MPPED2: variants seen among roughly 807,000 people sequenced by gnomAD.
MPPED2 encodes metallophosphoesterase MPPED2.
In MPPED2, 5 loss-of-function variants were observed where a neutral mutation model predicts 33.0. The observed-to-expected ratio is 0.15, with a 90% CI of 0.08 to 0.32. The LOEUF (loss-of-function observed/expected upper bound fraction) is 0.32, where lower values mean the gene tolerates loss of function less well. MPPED2 is among the 10% of genes least tolerant of loss of function. The probability of loss-of-function intolerance (pLI) is 1.00; values close to 1 mark genes in which losing one functional copy is unlikely to be tolerated. For synonymous variants in MPPED2, 136 were observed against 141.9 expected, an observed-to-expected ratio of 0.96 and a Z score of 0.29; for missense variants, 275 against 372.1, an observed-to-expected ratio of 0.74 and a Z score of 2.15.
downstream of MPPED2, among the ~76,000 whole-genome samples, chr11:30,384,108 A>G (rs908230118): frequency 6.6e-6 from 1 of 152,178 alleles, no homozygotes; most frequent in Non-Finnish European, 1.5e-5. Context: ...TTCAGCAAAC[A>G]TCTACATTGA....
At chr11:30,414,032 ACT>A (rs957058597) in intron 6 of MPPED2, among the ~76,000 whole-genome samples, 194 bp downstream of exon 6, 43 of 151,992 alleles carry the variant, frequency 2.8e-4, no homozygotes, top group Middle Eastern at 3.4e-3. Context: ...CCTACTTTCC[ACT>A]CTGTTTACAA....
chr11:30,430,182 TA>T (rs1391840180), intron 4 of MPPED2, among the ~76,000 whole-genome samples: 2 of 152,204 alleles, frequency 1.3e-5, no homozygotes, highest in Admixed American at 6.5e-5. Context: ...ATTGGGCTTT[TA>T]AAAAGCAAAG....
chr11:30,523,674 C>G (rs1294556508), intron 3 of MPPED2, among the ~76,000 whole-genome samples: 2 of 136,198 alleles, frequency 1.5e-5, no homozygotes, highest in Non-Finnish European at 3.0e-5. Context: ...GTTGCCCAGA[C>G]TGGAGTGCAG....
At chr11:30,414,053 G>A (rs1948232113) in intron 6 of MPPED2, among the ~76,000 whole-genome samples, 175 bp downstream of exon 6, 1 of 152,124 alleles carries the variant, frequency 6.6e-6, no homozygotes, top group Non-Finnish European at 1.5e-5. Context: ...AAGAGAGAAG[G>A]TCCATATAAA....
intron 2 of MPPED2, among the ~76,000 whole-genome samples, chr11:30,555,115 G>T (rs1036869857): frequency 1.6e-4 from 24 of 152,042 alleles, no homozygotes; most frequent in Non-Finnish European, 2.8e-4. Flanking sequence ...CCTAATGTTG[G>T]ACTTTTTTTC....
chr11:30,515,691 A>T (rs956507420), intron 3 of MPPED2, among the ~76,000 whole-genome samples: 1 of 152,174 alleles, frequency 6.6e-6, no homozygotes, highest in African/African-American at 2.4e-5. Flanking sequence ...TTTGCTTCCT[A>T]AATCCTACAG....
At chr11:30,585,764 T>G (rs1052678379) in intron 1 of MPPED2, among the ~76,000 whole-genome samples, 2 of 151,846 alleles carry the variant, frequency 1.3e-5, no homozygotes, top group Non-Finnish European at 2.9e-5. Context: ...GGAAGACACC[T>G]CCTAAAAAAG....
At chr11:30,403,379 G>A (rs1947940906) in intron 6 of MPPED2, among the ~76,000 whole-genome samples, 1 of 152,254 alleles carries the variant, frequency 6.6e-6, no homozygotes, top group Middle Eastern at 3.4e-3. Flanking sequence ...GCATCATTGA[G>A]GTAGATACAC....
intron 2 of MPPED2, among the ~76,000 whole-genome samples, chr11:30,548,540 A>G (rs1272071077): frequency 6.6e-6 from 1 of 152,158 alleles, no homozygotes; most frequent in African/African-American, 2.4e-5. Context: ...TTGCTTGTAA[A>G]GGGCCCAGTG....
intron 4 of MPPED2, among the ~76,000 whole-genome samples, chr11:30,487,837 T>TATTTTCCC (rs113496370): frequency 0.022 from 3,314 of 152,140 alleles, 117 homozygotes; most frequent in African/African-American, 0.076. Context: ...TCAATGATCC[T>TATTTTCCC]ATTTTCCCCT....
rs150233463 is a variant in MPPED2, at chr11:30,566,350, A to C, written c.128+13896T>G. ...CCCAAATCTCTAGGGTCACATTGAA[A>C]GTGGAAGCTTTGATATTTTTTCCTA... On this transcript the variant is annotated intron_variant, in intron 2 of 6. Coordinates refer to ENST00000358117, the MANE Select transcript of MPPED2 (RefSeq NM_001584.3). Among the ~76,000 whole-genome samples the C allele has an allele frequency of 1.7e-4, 26 of 152,326 alleles. 1 individual carries two copies. Among genetic ancestry groups the C allele is most frequent in the African/African-American group, 6.0e-4 (25 of 41,584 alleles).
intron 4 of MPPED2, among the ~76,000 whole-genome samples, chr11:30,441,751 A>G (rs531888589): frequency 6.6e-6 from 1 of 151,194 alleles, no homozygotes; most frequent in East Asian, 1.9e-4. Context: ...TTTTTTTTGC[A>G]TAGGTTTCCC....
chr11:30,451,775 G>A (rs565068367), intron 4 of MPPED2: 318 of 985,084 alleles, frequency 3.2e-4, no homozygotes, highest in Non-Finnish European at 3.7e-4. Flanking sequence ...GGGGTGGGAG[G>A]GGACATTTTC....
intron 4 of MPPED2, among the ~76,000 whole-genome samples, chr11:30,447,648 C>T (rs1475206676): frequency 1.3e-5 from 2 of 152,110 alleles, no homozygotes; most frequent in Non-Finnish European, 2.9e-5. Context: ...AAGCCAGGTG[C>T]AAACGGGCAT....
intron 1 of MPPED2, among the ~76,000 whole-genome samples, chr11:30,583,233 G>A (rs1301847635): frequency 1.4e-5 from 2 of 145,270 alleles, no homozygotes; most frequent in Non-Finnish European, 3.0e-5. Flanking sequence ...TTTGGAGAGA[G>A]CTTGAAACAA....
chr11:30,438,096 C>A (rs1389467170), intron 4 of MPPED2, among the ~76,000 whole-genome samples: 1 of 152,074 alleles, frequency 6.6e-6, no homozygotes, highest in Admixed American at 6.5e-5. Flanking sequence ...TAGAATGGTG[C>A]CTGACACACC....
At chr11:30,408,994 A>G (rs1218227064), downstream of MPPED2, among the ~76,000 whole-genome samples, 1 of 152,196 alleles carries the variant, frequency 6.6e-6, no homozygotes, top group East Asian at 1.9e-4. Context: ...TGGCTGAAGA[A>G]AGCTTTATCC....
At chr11:30,456,771 C>A (rs1447569356) in intron 4 of MPPED2, among the ~76,000 whole-genome samples, 1 of 152,130 alleles carries the variant, frequency 6.6e-6, no homozygotes, top group Non-Finnish European at 1.5e-5. Flanking sequence ...CTTTCCAGTG[C>A]CTTAAACAGT....
At chr11:30,564,513 G>A (rs1048334217) in intron 2 of MPPED2, among the ~76,000 whole-genome samples, 1 of 152,106 alleles carries the variant, frequency 6.6e-6, no homozygotes, top group Non-Finnish European at 1.5e-5. Context: ...CACATTTATG[G>A]ATAAGAACAC....
Sources: gnomAD v4.1 joint callset for allele counts (sites outside exome capture counted in the v4.1 genomes callset) on GRCh38, gnomAD v4.1.1 for gene constraint, MANE v1.5 for transcripts, NCBI Gene and HGNC (gene_info 2026-07-23, HGNC 2026-07-21) for gene names.